The following PTPRM variants were observed in gnomAD, a reference collection of about 807,000 sequenced individuals.
PTPRM encodes protein tyrosine phosphatase receptor type M.
Under a neutral mutation model 186.7 loss-of-function variants are expected in PTPRM, and 47 were observed. The ratio of observed to expected loss-of-function variants is 0.25; its 90% CI spans 0.20 to 0.32. The LOEUF (loss-of-function observed/expected upper bound fraction) is 0.32, where lower values mean the gene tolerates loss of function less well. Ranked by LOEUF, PTPRM falls within the 10% of genes least tolerant of loss-of-function variation. The probability of loss-of-function intolerance (pLI) is 1.00; values close to 1 mark genes in which losing one functional copy is unlikely to be tolerated. For synonymous variants in PTPRM, 668 were observed against 674.9 expected (o/e 0.99, Z 0.16); for missense variants, 1,494 against 1,865.0 (o/e 0.80, Z 3.66).
intron 20 of PTPRM, among the ~76,000 whole-genome samples, chr18:8,305,900 ATTT>A (rs113326579): frequency 1.4e-5 from 2 of 144,124 alleles, no homozygotes; most frequent in African/African-American, 5.1e-5. Context: ...AAAAGGGGTA[ATTT>A]TTTTTTTTTT....
intron 7 of PTPRM, among the ~76,000 whole-genome samples, chr18:8,040,321 C>T (rs971381204): frequency 6.6e-6 from 1 of 152,074 alleles, no homozygotes; most frequent in African/African-American, 2.4e-5. Flanking sequence ...GGGTGATTAC[C>T]CAGGTCCAGG....
intron 5 of PTPRM, among the ~76,000 whole-genome samples, chr18:7,942,158 C>G (rs2052216548): frequency 6.6e-6 from 1 of 151,764 alleles, no homozygotes; most frequent in Non-Finnish European, 1.5e-5. Context: ...TGGCAGGCAC[C>G]TGTAGTCCCA....
At chr18:7,963,440 GGTT>G (rs2147202405) in intron 7 of PTPRM, among the ~76,000 whole-genome samples, 1 of 152,342 alleles carries the variant, frequency 6.6e-6, no homozygotes, top group Non-Finnish European at 1.5e-5. Flanking sequence ...AGATGGAGGT[GGTT>G]GTTCATAGAG....
At chr18:7,847,802 G>T (rs1007844158) in intron 2 of PTPRM, among the ~76,000 whole-genome samples, 5 of 152,280 alleles carry the variant, frequency 3.3e-5, no homozygotes, top group African/African-American at 4.8e-5. Flanking sequence ...TGTTACCAAG[G>T]GTGGAGAATT....
chr18:7,821,551 A>G (rs1568178331), intron 2 of PTPRM, among the ~76,000 whole-genome samples: 2 of 152,188 alleles, frequency 1.3e-5, no homozygotes, highest in Non-Finnish European at 1.5e-5. Flanking sequence ...AATCCTATAT[A>G]TACTATGTTT....
chr18:8,120,877 T>A (rs2092146561), intron 13 of PTPRM, among the ~76,000 whole-genome samples: 1 of 152,152 alleles, frequency 6.6e-6, no homozygotes, highest in African/African-American at 2.4e-5. Flanking sequence ...CGGAACTGCA[T>A]AGGAGTATTG....
chr18:8,102,892 A>T (rs2145566327), intron 11 of PTPRM, among the ~76,000 whole-genome samples: 1 of 152,188 alleles, frequency 6.6e-6, no homozygotes, highest in South Asian at 2.1e-4. Flanking sequence ...AGTTAAAATG[A>T]CTCCTTGACC....
At chr18:7,847,330 C>T (rs952003453) in intron 2 of PTPRM, among the ~76,000 whole-genome samples, 3 of 151,914 alleles carry the variant, frequency 2.0e-5, no homozygotes, top group African/African-American at 7.3e-5. Context: ...CCACACCTGG[C>T]TAATTTTTGT....
rs2047204087 is a variant in PTPRM, at chr18:7,858,668, ATACTT to A, written c.197-29437_197-29433del. Among the ~76,000 whole-genome samples the A allele has an allele frequency of 2.6e-5, 4 of 152,236 alleles. No individual in the cohort carries two copies. In the South Asian group the frequency reaches 6.2e-4, roughly 24 times the overall value. ...TAATACAAGTGTTAATATATGTAGA[ATACTT>A]AACGCAGTGCGTGGAAATGTTTTGG... On this transcript the variant is annotated intron_variant, in intron 2 of 32. Transcript: ENST00000580170.
chr18:7,784,340 C>T (rs561864435), intron 2 of PTPRM, among the ~76,000 whole-genome samples: 13 of 152,120 alleles, frequency 8.5e-5, no homozygotes, highest in Non-Finnish European at 1.9e-4. Flanking sequence ...GGGAAAAGCA[C>T]CCTGGACACA....
chr18:8,313,017 T>C (rs117585093), intron 20 of PTPRM, among the ~76,000 whole-genome samples: 3,755 of 152,276 alleles, frequency 0.025, 69 homozygotes, highest in Non-Finnish European at 0.034. Context: ...GAAACCAATA[T>C]GAAATTTTGA....
In PTPRM at chr18:8,310,381, C is replaced by T. The variant is rs144005605; in HGVS notation, c.2843-4400C>T. On this transcript the variant is annotated intron_variant, in intron 20 of 32. Transcript: ENST00000580170. Reference sequence around the variant, plus strand: ...TCCCACGGTGCTCAGGATGAAGGTCCTAATGACCTGGCCTTCCCTCCTCTC... The same window carrying T: ...TCCCACGGTGCTCAGGATGAAGGTCTTAATGACCTGGCCTTCCCTCCTCTC... Among the ~76,000 whole-genome samples the T allele has an allele frequency of 4.3e-4, 65 of 151,394 alleles. 1 individual carries two copies. The South Asian group carries it at 0.013, about 31-fold the overall frequency.
intron 24 of PTPRM, among the ~76,000 whole-genome samples, chr18:8,373,117 T>A (rs959505785): frequency 1.3e-5 from 2 of 152,210 alleles, no homozygotes; most frequent in African/African-American, 4.8e-5. Context: ...ACATTAGTGA[T>A]TTTCTAACCG....
chr18:7,627,003 C>T (rs761744617), intron 1 of PTPRM, among the ~76,000 whole-genome samples: 6 of 152,144 alleles, frequency 3.9e-5, no homozygotes, highest in East Asian at 1.9e-4. Context: ...ACTCTCCCCT[C>T]GGCACTATCC....
chr18:8,099,139 T>TTCTCTC (rs138039597), intron 11 of PTPRM, among the ~76,000 whole-genome samples: 1 of 149,510 alleles, frequency 6.7e-6, no homozygotes. Context: ...CACAGTCTCT[T>TTCTCTC]TCTCTCTCTC....
At chr18:7,688,349 A>C (rs1761360369) in intron 1 of PTPRM, among the ~76,000 whole-genome samples, 1 of 152,188 alleles carries the variant, frequency 6.6e-6, no homozygotes, top group Non-Finnish European at 1.5e-5. Flanking sequence ...TCAGAGAAGA[A>C]ACCTCTGCTA....
At chr18:7,885,578 C>T (rs1450080269) in intron 2 of PTPRM, among the ~76,000 whole-genome samples, 3 of 152,138 alleles carry the variant, frequency 2.0e-5, no homozygotes, top group African/African-American at 7.2e-5. Flanking sequence ...GATGTCACTC[C>T]CCTGTCTAGT....
chr18:8,097,401 A>G (rs748488587), intron 11 of PTPRM, among the ~76,000 whole-genome samples: 1 of 152,120 alleles, frequency 6.6e-6, no homozygotes, highest in Non-Finnish European at 1.5e-5. Context: ...TCCTGTATCA[A>G]TGTATTTTCC....
At position 8,253,411 on chromosome 18, in the gene PTPRM, C is replaced by T. The variant is rs753021815; in HGVS notation, c.2751C>T (p.Tyr917=). ...CAEGYGFKEE[Y]ESFFEGQSAP... ...AGGGCTACGGCTTCAAGGAGGAATA[C>T]GAGGTGAGCACAAGCTCTGTGCCAG... is the stretch of plus-strand genomic sequence containing the variant. Residue 917 remains tyrosine (Y), a synonymous_variant, in exon 19 of 33, where the codon TAC becomes TAT. Transcript: ENST00000580170. 14 of 1,494,650 alleles carry T rather than the reference C, an allele frequency of 9.4e-6. No individual in the cohort carries two copies. The highest frequency in any genetic ancestry group is 4.4e-5 in the Admixed American group (2 of 45,898). 92.6% of individuals were successfully genotyped at this position (1,494,650 alleles called of 1,614,324 possible). A position where few individuals can be genotyped will look rare whatever the true frequency, so the allele number is the denominator to read the frequency against.
Sources: allele counts gnomAD v4.1 joint callset (sites outside exome capture counted in the v4.1 genomes callset), GRCh38; gene constraint gnomAD v4.1.1; transcripts MANE v1.5; gene names NCBI Gene and HGNC (gene_info 2026-07-23, HGNC 2026-07-21).